MAF: variants seen among roughly 807,000 people sequenced by gnomAD.
MAF encodes transcription factor Maf.
Under a neutral mutation model 22.0 loss-of-function variants are expected in MAF, and 10 were observed. That is an observed-to-expected ratio of 0.45 (90% CI 0.28 to 0.77). The LOEUF (loss-of-function observed/expected upper bound fraction) is 0.77. MAF is among the 30% of genes least tolerant of loss of function. The probability of loss-of-function intolerance (pLI) is 0.12; values close to 1 mark genes in which losing one functional copy is unlikely to be tolerated. For missense variants in MAF, 544 were observed against 548.4 expected (o/e 0.99, Z 0.08); for synonymous variants, 337 against 255.8 (o/e 1.32, Z -3.03).
At chr16:79,326,289 A>G in the MAF span, among the ~76,000 whole-genome samples, 2 of 152,132 alleles carry the variant, frequency 1.3e-5, no homozygotes, top group Non-Finnish European at 2.9e-5. Context: ...AAATGTATAA[A>G]AGTACTTATC....
the MAF span, among the ~76,000 whole-genome samples, chr16:79,324,363 C>T: frequency 0.056 from 8,468 of 152,150 alleles, 250 homozygotes; most frequent in African/African-American, 0.086. Context: ...GGATTGAAAA[C>T]ACAATATTTA....
chr16:79,580,469 T>G, the MAF span, among the ~76,000 whole-genome samples: 1 of 152,226 alleles, frequency 6.6e-6, no homozygotes, highest in African/African-American at 2.4e-5. Flanking sequence ...GCAGAAGTTC[T>G]GGAAGTTCTG....
the MAF span, among the ~76,000 whole-genome samples, chr16:79,351,962 C>T: frequency 1.3e-5 from 2 of 152,020 alleles, no homozygotes; most frequent in African/African-American, 2.4e-5. Context: ...ATAAGCATGC[C>T]GGGACACCAT....
chr16:79,314,885 G>A, the MAF span, among the ~76,000 whole-genome samples: 2 of 152,090 alleles, frequency 1.3e-5, no homozygotes, highest in African/African-American at 2.4e-5. Context: ...AGTCCCGGTG[G>A]GACACTTGGG....
the MAF span, among the ~76,000 whole-genome samples, chr16:79,492,413 C>T: frequency 1.3e-5 from 2 of 152,012 alleles, no homozygotes; most frequent in Admixed American, 6.6e-5. Flanking sequence ...CGGATCTGAC[C>T]CTGTATTTGG....
chr16:79,361,528 T>A, the MAF span, among the ~76,000 whole-genome samples: 1 of 152,180 alleles, frequency 6.6e-6, no homozygotes, highest in Non-Finnish European at 1.5e-5. Flanking sequence ...CGGATCTCTA[T>A]CTGGGTGAGC....
At chr16:79,389,195 C>G in the MAF span, among the ~76,000 whole-genome samples, 1 of 152,172 alleles carries the variant, frequency 6.6e-6, no homozygotes, top group African/African-American at 2.4e-5. Flanking sequence ...AACTCCTTCC[C>G]CACCACTGTG....
chr16:79,595,482 T>C, intron 1 of MAF: 1 of 1,059,160 alleles, frequency 9.4e-7, no homozygotes, highest in Non-Finnish European at 1.1e-6. Context: ...TTCAAAACAG[T>C]GCTGGCTTTG....
At chr16:79,546,315 T>C in the MAF span, among the ~76,000 whole-genome samples, 1 of 151,562 alleles carries the variant, frequency 6.6e-6, no homozygotes, top group South Asian at 2.1e-4. Context: ...TTTTTCAGAG[T>C]GGGATATTAT....
At chr16:79,461,886 C>T in the MAF span, among the ~76,000 whole-genome samples, 1 of 152,254 alleles carries the variant, frequency 6.6e-6, no homozygotes, top group East Asian at 1.9e-4. Flanking sequence ...AAAACCAGCC[C>T]TACCATGATT....
chr16:79,527,910 G>T, the MAF span, among the ~76,000 whole-genome samples: 2 of 152,112 alleles, frequency 1.3e-5, no homozygotes, highest in Non-Finnish European at 2.9e-5. Flanking sequence ...GGGAGGCCGG[G>T]GTGGGTGGAT....
At chr16:79,426,758 T>A in the MAF span, among the ~76,000 whole-genome samples, 2 of 152,322 alleles carry the variant, frequency 1.3e-5, no homozygotes, top group East Asian at 3.9e-4. Flanking sequence ...ATTCATAAAC[T>A]CAAATGGAAG....
chr16:79,204,141 C>A, the MAF span: 1 of 152,064 alleles, frequency 6.6e-6, no homozygotes, highest in East Asian at 1.9e-4. Context: ...AGAATAGATA[C>A]CCCAATGCGA....
the MAF span, among the ~76,000 whole-genome samples, chr16:79,419,323 G>C: frequency 8.5e-5 from 13 of 152,184 alleles, no homozygotes; most frequent in African/African-American, 2.9e-4. Flanking sequence ...TCAGCCTTTG[G>C]TGTCACAATA....
the MAF span, chr16:79,229,410 T>C: frequency 6.6e-6 from 1 of 152,026 alleles, no homozygotes; most frequent in East Asian, 1.9e-4. Context: ...CCCTGTTAGC[T>C]AGAGCAGTTT....
the MAF span, among the ~76,000 whole-genome samples, chr16:79,550,405 T>A: frequency 6.6e-6 from 1 of 151,874 alleles, no homozygotes; most frequent in Non-Finnish European, 1.5e-5. Context: ...TGGTCCACCA[T>A]GAGTTGCAAA....
chr16:79,238,773 G>C, the MAF span, among the ~76,000 whole-genome samples: 2 of 151,934 alleles, frequency 1.3e-5, no homozygotes, highest in African/African-American at 4.8e-5. Flanking sequence ...AAATGGGTAG[G>C]CTGTATTTTT....
At chr16:79,268,108 GA>G in the MAF span, among the ~76,000 whole-genome samples, 1 of 152,030 alleles carries the variant, frequency 6.6e-6, no homozygotes, top group African/African-American at 2.4e-5. Context: ...TAAATCCCAA[GA>G]AAAACAACAT....
the MAF span, among the ~76,000 whole-genome samples, chr16:79,410,296 TGC>T: frequency 6.6e-6 from 1 of 152,236 alleles, no homozygotes; most frequent in African/African-American, 2.4e-5. Flanking sequence ...CTGCCCAATT[TGC>T]GAATCTTTCA....
Sources: gnomAD v4.1 joint callset for allele counts (sites outside exome capture counted in the v4.1 genomes callset) on GRCh38, gnomAD v4.1.1 for gene constraint, MANE v1.5 for transcripts, NCBI Gene and HGNC (gene_info 2026-07-23, HGNC 2026-07-21) for gene names.